The following ZNF469 variants were observed in gnomAD, a reference collection of about 807,000 sequenced individuals.
The protein encoded by ZNF469 is zinc finger protein 469.
In ZNF469, 1 loss-of-function variant was observed where a neutral mutation model predicts 1.0. That is an observed-to-expected ratio of 1.00 (90% confidence interval 0.35 to 4.73). ZNF469 has a LOEUF of 4.73. Among genes scored for constraint, ZNF469 ranks in the 30% most tolerant of loss-of-function variants. The probability of loss-of-function intolerance (pLI) is 0.16; values close to 1 mark genes in which losing one functional copy is unlikely to be tolerated. For missense variants in ZNF469, 6,100 were observed against 5,356.3 expected (o/e 1.14, Z -4.33); for synonymous variants, 2,703 against 2,363.4 (o/e 1.14, Z -4.17).
At chr16:88,251,654 G>A in the ZNF469 span, among the ~76,000 whole-genome samples, 2 of 141,090 alleles carry the variant, frequency 1.4e-5, no homozygotes, top group Admixed American at 1.6e-4. Context: ...CACCTCCCGG[G>A]TTCAAGCAAT....
the ZNF469 span, among the ~76,000 whole-genome samples, chr16:88,108,926 C>T: frequency 1.7e-4 from 26 of 152,306 alleles, no homozygotes; most frequent in Non-Finnish European, 2.8e-4. Context: ...GACATCTCGA[C>T]GGCAGCCTCA....
the ZNF469 span, among the ~76,000 whole-genome samples, chr16:88,362,374 C>T: frequency 1.3e-5 from 2 of 152,212 alleles, no homozygotes; most frequent in Non-Finnish European, 2.9e-5. Flanking sequence ...ACCTGAATTT[C>T]TATCTGAATT....
chr16:88,138,573 G>C, the ZNF469 span, among the ~76,000 whole-genome samples: 1 of 152,220 alleles, frequency 6.6e-6, no homozygotes, highest in Non-Finnish European at 1.5e-5. Context: ...ATGTGGCAGT[G>C]TCTGAATAAA....
the ZNF469 span, among the ~76,000 whole-genome samples, chr16:88,200,895 G>A: frequency 6.6e-6 from 1 of 152,242 alleles, no homozygotes; most frequent in Admixed American, 6.5e-5. Context: ...GCCCCCGGCT[G>A]CTCCCGCCAC....
chr16:88,209,074 T>G, the ZNF469 span, among the ~76,000 whole-genome samples: 1 of 152,156 alleles, frequency 6.6e-6, no homozygotes, highest in African/African-American at 2.4e-5. Flanking sequence ...TTTGTTTCTA[T>G]CTGCAATCCA....
chr16:88,310,701 ACCT>A, the ZNF469 span, among the ~76,000 whole-genome samples: 1 of 151,560 alleles, frequency 6.6e-6, no homozygotes, highest in Admixed American at 6.6e-5. Context: ...TCCTGCCTCA[ACCT>A]CCTGAGTAGG....
At chr16:88,254,855 C>T in the ZNF469 span, among the ~76,000 whole-genome samples, 3 of 151,848 alleles carry the variant, frequency 2.0e-5, no homozygotes, top group Non-Finnish European at 2.9e-5. Flanking sequence ...AAAAAATCAG[C>T]TAGAGTTTTG....
At chr16:88,160,377 GCATCTGTC>G in the ZNF469 span, among the ~76,000 whole-genome samples, 3 of 152,320 alleles carry the variant, frequency 2.0e-5, no homozygotes, top group South Asian at 2.1e-4. Context: ...GTTAGGGCCG[GCATCTGTC>G]CGAGACCGGC....
the ZNF469 span, among the ~76,000 whole-genome samples, chr16:88,321,249 A>G: frequency 0.042 from 6,451 of 152,356 alleles, 439 homozygotes; most frequent in African/African-American, 0.15. Context: ...TGAAATCCGT[A>G]GGGCAGGCTG....
Position 88,433,720 on chromosome 16 carries a change from C to G in ZNF469, c.6250C>G (p.Pro2084Ala). The change falls in exon 3 of 3, where the codon CCA becomes GCA. Residue 2084 changes from proline (P) to alanine (A), a missense_variant. By Grantham distance (27) the Pro-to-Ala change is conservative (BLOSUM62 -1). Transcript: ENST00000565624. ...CCGAAGTGGATCTGAGGGCCGGACT[C>G]CAGAGAGGGCGTCCAGCCCCGGCCT... ...HSRSGSEGRT[P>A]ERASSPGLNK... 6.5e-7 allele frequency: 1 copy of G among 1,548,894 alleles called. No individual in the cohort carries two copies. Among genetic ancestry groups the G allele is most frequent in the Non-Finnish European group, 8.7e-7 (1 of 1,146,734 alleles).
At chr16:88,347,903 T>G in the ZNF469 span, among the ~76,000 whole-genome samples, 1 of 152,204 alleles carries the variant, frequency 6.6e-6, no homozygotes, top group Non-Finnish European at 1.5e-5. Flanking sequence ...GGGTGCCCCA[T>G]GACCCCTGAG....
At chr16:88,369,300 C>A in the ZNF469 span, among the ~76,000 whole-genome samples, 1 of 152,184 alleles carries the variant, frequency 6.6e-6, no homozygotes, top group African/African-American at 2.4e-5. Context: ...CCTTGGGACG[C>A]CACATGCAAA....
the ZNF469 span, among the ~76,000 whole-genome samples, chr16:88,118,871 A>G: frequency 6.6e-6 from 1 of 152,336 alleles, no homozygotes; most frequent in South Asian, 2.1e-4. Flanking sequence ...TGAGTTTACA[A>G]ATAGATGCCG....
the ZNF469 span, among the ~76,000 whole-genome samples, chr16:88,197,488 A>C: frequency 1.6e-4 from 24 of 152,236 alleles, no homozygotes; most frequent in African/African-American, 5.8e-4. Context: ...GTCTTTCCCA[A>C]GGGAATGTGG....
rs1310618147 is a variant in ZNF469, at chr16:88,438,960, T to C, written c.11490T>C (p.Ser3830=). 1 of 1,550,284 alleles carries C rather than the reference T, an allele frequency of 6.5e-7. No individual in the cohort carries two copies. The highest frequency in any genetic ancestry group is 8.7e-7 in the Non-Finnish European group (1 of 1,146,866). The part of the protein sequence containing the change: ...GQVPGPARSE[S]VGSFGRAPSA... ...TCCCAGGGCCAGCCAGGAGTGAAAG[T>C]GTGGGGAGCTTCGGGAGAGCCCCCT... Residue 3830 remains serine, a synonymous_variant, in exon 3 of 3, where the codon AGT becomes AGC. Coordinates refer to ENST00000565624, the MANE Select transcript of ZNF469 (RefSeq NM_001367624.2).
chr16:88,376,792 C>T, the ZNF469 span, among the ~76,000 whole-genome samples: 1 of 152,324 alleles, frequency 6.6e-6, no homozygotes, highest in East Asian at 1.9e-4. Flanking sequence ...GGCTTGGACC[C>T]AGGCCACCAG....
At chr16:88,358,963 C>A in the ZNF469 span, among the ~76,000 whole-genome samples, 1 of 152,226 alleles carries the variant, frequency 6.6e-6, no homozygotes, top group Admixed American at 6.5e-5. Flanking sequence ...AACTTGCAGG[C>A]TGTGGGCTTC....
the ZNF469 span, among the ~76,000 whole-genome samples, chr16:88,176,771 C>G: frequency 6.6e-6 from 1 of 152,270 alleles, no homozygotes; most frequent in Non-Finnish European, 1.5e-5. Context: ...CCCCCAACGC[C>G]CAGCGCAGCT....
chr16:88,295,567 A>G, the ZNF469 span, among the ~76,000 whole-genome samples: 1 of 152,128 alleles, frequency 6.6e-6, no homozygotes, highest in African/African-American at 2.4e-5. Context: ...GGTTGTGGCC[A>G]TTCTGGTGTT....
Sources: gnomAD v4.1 joint callset for allele counts (sites outside exome capture counted in the v4.1 genomes callset) on GRCh38, gnomAD v4.1.1 for gene constraint, MANE v1.5 for transcripts, NCBI Gene and HGNC (gene_info 2026-07-23, HGNC 2026-07-21) for gene names.